The following MCF2L variants were observed in gnomAD, a reference collection of about 807,000 sequenced individuals.
The protein encoded by MCF2L is MCF.2 cell line derived transforming sequence like.
A neutral mutation model predicts 153.4 loss-of-function variants in MCF2L; 97 were observed. The ratio of observed to expected loss-of-function variants is 0.63; its 90% CI spans 0.54 to 0.75. The LOEUF (loss-of-function observed/expected upper bound fraction) is 0.75, where lower values mean the gene tolerates loss of function less well. MCF2L is among the 30% of genes least tolerant of loss of function. The pLI is 0.00. For missense variants in MCF2L, 1,347 were observed against 1,495.2 expected (o/e 0.90, Z 1.64); for synonymous variants, 659 against 632.2 (o/e 1.04, Z -0.64).
chr13:112,994,097 A>G (rs1251060231), intron 1 of MCF2L, among the ~76,000 whole-genome samples: 1 of 149,934 alleles, frequency 6.7e-6, no homozygotes, highest in Admixed American at 6.6e-5. Flanking sequence ...GGCGCTTGGG[A>G]CCCCCCAAGC....
At chr13:113,011,674 A>G in intron 1 of MCF2L, among the ~76,000 whole-genome samples, 1 of 137,522 alleles carries the variant, frequency 7.3e-6, no homozygotes, top group South Asian at 2.8e-4. Flanking sequence ...TGTGATGCAG[A>G]CGGTGGACAG....
chr13:112,980,342 G>A (rs1184867572), intron 1 of MCF2L, among the ~76,000 whole-genome samples: 3 of 152,372 alleles, frequency 2.0e-5, no homozygotes, highest in Middle Eastern at 3.4e-3. Context: ...GCTGATTTCC[G>A]CTCCATCCTG....
Position 113,060,456 on chromosome 13 carries a change from A to T in MCF2L, c.370-137A>T. 5 of 939,760 alleles carry T rather than the reference A, an allele frequency of 5.3e-6. No homozygotes were observed. The South Asian group carries it at 8.2e-5, about 15-fold the overall frequency. 58.2% of individuals were successfully genotyped at this position (939,760 alleles called of 1,614,324 possible). On this transcript the variant is annotated intron_variant, in intron 4 of 29. Transcript: ENST00000535094. ...CCAGCATCTCTACCATGTTTATCTC[A>T]GCATAAACCTGCTGCGTTGAGGATG...
At position 113,070,901 on chromosome 13, in the gene MCF2L, C is replaced by T. The variant is rs2032849897; in HGVS notation, c.996+728C>T. Among the ~76,000 whole-genome samples the T allele has an allele frequency of 6.6e-6, 1 of 152,208 alleles. No individual in the cohort carries two copies. Among genetic ancestry groups the T allele is most frequent in the South Asian group, 2.1e-4 (1 of 4,836 alleles). On this transcript the variant is annotated intron_variant, in intron 9 of 29. Transcript: ENST00000535094. This position sits in a 1 kb window ranked among gnomAD's most constrained non-coding sequence, Gnocchi z 5.6. ...TAAAGCTGTTACAAACATTGATATA[C>T]TGATGTTGGTGTAAATGTAAGTTTT...
intron 1 of MCF2L, among the ~76,000 whole-genome samples, chr13:112,896,826 G>C (rs2081072298): frequency 6.6e-6 from 1 of 152,212 alleles, no homozygotes. Flanking sequence ...CCCAATGCAG[G>C]TTCCTGAGTC....
intron 14 of MCF2L, 115 bp downstream of exon 14, chr13:113,078,551 C>T (rs1197404991): frequency 2.2e-5 from 30 of 1,386,752 alleles, no homozygotes; most frequent in Non-Finnish European, 2.7e-5. Flanking sequence ...TGGCCAGCTC[C>T]CCATCGTGGG....
rs1268068432 is a variant in MCF2L, at chr13:112,989,367, C to CCG, written c.79+19909_79+19910insCG. On this transcript the variant is annotated intron_variant, in intron 1 of 29. Transcript: ENST00000535094. ...TGAGCAGGACATGGAGCTACCACGCCAGAGTCCTCCCTGAGCAGGGGATGG... is the reference window on the plus strand; with the variant it reads ...TGAGCAGGACATGGAGCTACCACGCCCGAGAGTCCTCCCTGAGCAGGGGATGG... Among the ~76,000 whole-genome samples the CCG allele has an allele frequency of 5.0e-5, 7 of 140,322 alleles. 1 individual carries two copies. Among genetic ancestry groups the CCG allele is most frequent in the East Asian group, 2.2e-4 (1 of 4,528 alleles). 92.1% of individuals were successfully genotyped at this position (140,322 alleles called of 152,430 possible).
At chr13:113,081,180 A>C in intron 15 of MCF2L, 33 bp from the exon 16 acceptor site, 1 of 1,552,782 alleles carries the variant, frequency 6.4e-7, no homozygotes, top group Non-Finnish European at 8.7e-7. Context: ...CCCAGTGCTA[A>C]CCTTTTTTGC....
chr13:113,087,055 C>G (rs2034702204), intron 21 of MCF2L, among the ~76,000 whole-genome samples, 180 bp from the exon 22 acceptor site: 1 of 152,216 alleles, frequency 6.6e-6, no homozygotes, highest in African/African-American at 2.4e-5. Flanking sequence ...ATCCCTCCTC[C>G]CCCAGCCCCT....
At chr13:113,043,740 C>T (rs891188712) in intron 3 of MCF2L, 10 of 152,238 alleles carry the variant, frequency 6.6e-5, no homozygotes, top group African/African-American at 2.2e-4. Context: ...GCTCTGTTGC[C>T]CAGGCTGGAG....
intron 2 of MCF2L, among the ~76,000 whole-genome samples, chr13:112,912,297 G>A (rs1476247034): frequency 6.6e-6 from 1 of 151,888 alleles, no homozygotes; most frequent in Non-Finnish European, 1.5e-5. Flanking sequence ...ACAGGTCATT[G>A]TTGCTTAAAT....
chr13:113,071,781 T>C (rs1034608969), intron 9 of MCF2L, among the ~76,000 whole-genome samples: 3 of 152,268 alleles, frequency 2.0e-5, no homozygotes, highest in Non-Finnish European at 2.9e-5. Flanking sequence ...CTATATAATG[T>C]CTTGAAATCA....
At chr13:113,015,922 C>T (rs1298009866) in intron 2 of MCF2L, among the ~76,000 whole-genome samples, 3 of 152,166 alleles carry the variant, frequency 2.0e-5, no homozygotes, top group Admixed American at 1.3e-4. Context: ...GTGGTTTCTG[C>T]CGGTTCCTCC....
intron 1 of MCF2L, among the ~76,000 whole-genome samples, chr13:113,013,398 C>G (rs1486139120): frequency 6.6e-6 from 1 of 152,082 alleles, no homozygotes; most frequent in Non-Finnish European, 1.5e-5. Context: ...CTGCTGCTTC[C>G]CCCCCAACAC....
rs148613247 is a variant in MCF2L, at chr13:113,075,042, G to A, written c.1161G>A (p.Gln387=). 6.2e-7 allele frequency: 1 copy of A among 1,612,640 alleles called. No homozygotes were observed. The highest frequency in any genetic ancestry group is 1.3e-5 in the African/African-American group (1 of 75,040). The change falls in exon 11 of 30, where the codon CAG becomes CAA. Residue 387 remains glutamine (Q), a synonymous_variant. Coordinates refer to ENST00000535094, the MANE Select transcript of MCF2L (RefSeq NM_001112732.3). ...GGGCCCTGTCTCTGGACGGCGAGCA[G>A]CTCATTGGGAACAAGCACTACGCGG... The part of the protein sequence containing the change: ...RARALSLDGE[Q]LIGNKHYAVD...
At chr13:112,991,260 G>C (rs186956852) in intron 1 of MCF2L, among the ~76,000 whole-genome samples, 36 of 152,024 alleles carry the variant, frequency 2.4e-4, no homozygotes. Flanking sequence ...GTGTTTTGGG[G>C]GGCATCTCCC....
In MCF2L at chr13:113,099,539, C is replaced by A. The variant is rs748331106; in HGVS notation, c.*2680C>A. 7.2e-5 allele frequency: 11 copies of A among 152,108 alleles called. No individual in the cohort carries two copies. The highest frequency in any genetic ancestry group is 1.6e-4 in the Non-Finnish European group (11 of 68,040). The allele number at this position is 152,108 out of a possible 1,614,324, so 9.4% of individuals were successfully genotyped here. On this transcript the variant is annotated 3_prime_UTR_variant, in exon 30 of 30. Coordinates refer to ENST00000535094, the MANE Select transcript of MCF2L (RefSeq NM_001112732.3). ...TACATGACAAAATGAACGAGTTAACCATTTAAGCCAAAAAAATAAGACTAG... is the reference window on the plus strand; with the variant it reads ...TACATGACAAAATGAACGAGTTAACAATTTAAGCCAAAAAAATAAGACTAG...
chr13:113,006,030 G>A (rs561398907), intron 1 of MCF2L, among the ~76,000 whole-genome samples: 38 of 152,258 alleles, frequency 2.5e-4, no homozygotes, highest in South Asian at 6.2e-4. Flanking sequence ...AACATCTTCC[G>A]TGACTCTGGG....
At chr13:112,984,297 G>A (rs1300788885) in intron 1 of MCF2L, among the ~76,000 whole-genome samples, 4 of 151,584 alleles carry the variant, frequency 2.6e-5, no homozygotes, top group Non-Finnish European at 5.9e-5. Flanking sequence ...GTGCAATGGT[G>A]TGATCTTGGC....
Sources: gnomAD v4.1 joint callset for allele counts (sites outside exome capture counted in the v4.1 genomes callset) on GRCh38, gnomAD v4.1.1 for gene constraint, Gnocchi (gnomAD v3.1) non-coding constraint, MANE v1.5 for transcripts, NCBI Gene and HGNC (gene_info 2026-07-23, HGNC 2026-07-21) for gene names.